The following CCDC85A variants were observed in gnomAD, a reference collection of about 807,000 sequenced individuals.
The protein encoded by CCDC85A is coiled-coil domain containing 85A, also known as coiled-coil domain-containing protein 85A.
In CCDC85A, 38 loss-of-function variants were observed where a neutral mutation model predicts 50.2. The ratio of observed to expected loss-of-function variants is 0.76; its 90% CI spans 0.58 to 0.99. The LOEUF is 0.99. CCDC85A is among the 50% of genes least tolerant of loss of function. CCDC85A has a pLI of 0.00. For missense variants in CCDC85A, 820 were observed against 742.0 expected, an observed-to-expected ratio of 1.11 and a Z score of -1.22; for synonymous variants, 366 against 301.4, an observed-to-expected ratio of 1.21 and a Z score of -2.22.
chr2:56,323,476 C>G (rs917259448), intron 2 of CCDC85A, among the ~76,000 whole-genome samples: 1 of 151,776 alleles, frequency 6.6e-6, no homozygotes, highest in African/African-American at 2.4e-5. Context: ...TATTTAGGTT[C>G]GAGTGAACAG....
chr2:56,361,087 A>G (rs1675499418), intron 3 of CCDC85A, among the ~76,000 whole-genome samples: 1 of 152,024 alleles, frequency 6.6e-6, no homozygotes, highest in Non-Finnish European at 1.5e-5. Flanking sequence ...CCCCATCTCT[A>G]CTAAAAATGC....
intron 2 of CCDC85A, among the ~76,000 whole-genome samples, chr2:56,289,584 A>G (rs1671611362): frequency 6.6e-6 from 1 of 152,138 alleles, no homozygotes; most frequent in South Asian, 2.1e-4. Context: ...AGGGTACAAC[A>G]GTGGTAGAGG....
At chr2:56,296,076 T>G (rs1452033062) in intron 2 of CCDC85A, among the ~76,000 whole-genome samples, 1 of 152,228 alleles carries the variant, frequency 6.6e-6, no homozygotes, top group African/African-American at 2.4e-5. Context: ...GCAGCAATTT[T>G]CCTTTCCTCT....
chr2:56,345,740 C>T (rs1344961754), intron 3 of CCDC85A, among the ~76,000 whole-genome samples: 1 of 152,170 alleles, frequency 6.6e-6, no homozygotes, highest in East Asian at 1.9e-4. Context: ...AGGCATTTAC[C>T]TGTACAACTT....
chr2:56,193,549 A>G, intron 2 of CCDC85A, 109 bp downstream of exon 2: 1 of 1,296,246 alleles, frequency 7.7e-7, no homozygotes, highest in Non-Finnish European at 1.0e-6. Context: ...CTAGCTAGGG[A>G]GTGGGTTTGG....
intron 2 of CCDC85A, among the ~76,000 whole-genome samples, chr2:56,223,501 A>G (rs879529905): frequency 6.6e-6 from 1 of 152,188 alleles, no homozygotes; most frequent in Non-Finnish European, 1.5e-5. Context: ...ATGATCCTCA[A>G]TAATTCTATC....
chr2:56,355,232 C>T lies in CCDC85A; in HGVS notation c.1317+12277C>T, dbSNP rs566072582. 8.3e-4 allele frequency among the ~76,000 whole-genome samples: 126 copies of T among 152,292 alleles called. 1 individual carries two copies. The highest frequency in any genetic ancestry group is 1.3e-3 in the Non-Finnish European group (89 of 68,030). ...TTCCCCCACCCTTACTTGGGTTCTA[C>T]CCTATTCCAGGCTCCAAACGCATAG... On this transcript the variant is annotated intron_variant, in intron 3 of 5. Transcript: ENST00000407595.
At chr2:56,202,096 C>T (rs912455980) in intron 2 of CCDC85A, among the ~76,000 whole-genome samples, 4 of 152,176 alleles carry the variant, frequency 2.6e-5, no homozygotes, top group African/African-American at 9.7e-5. Flanking sequence ...GAATAAGGAA[C>T]CAGTTTTTCT....
intron 2 of CCDC85A, among the ~76,000 whole-genome samples, chr2:56,287,661 C>A (rs1317143680): frequency 1.3e-5 from 2 of 152,218 alleles, no homozygotes; most frequent in Admixed American, 6.5e-5. Context: ...CAGATCTACA[C>A]CAAACTCACC....
chr2:56,275,405 A>G (rs987515860), intron 2 of CCDC85A, among the ~76,000 whole-genome samples: 5 of 152,136 alleles, frequency 3.3e-5, no homozygotes, highest in South Asian at 2.1e-4. Flanking sequence ...TTGTTTCACT[A>G]TGAAATAGAT....
At chr2:56,332,930 T>C (rs1369305593) in intron 2 of CCDC85A, among the ~76,000 whole-genome samples, 1 of 152,210 alleles carries the variant, frequency 6.6e-6, no homozygotes, top group African/African-American at 2.4e-5. Flanking sequence ...TAGGTCTGTA[T>C]AATGAAATAA....
chr2:56,375,216 T>A (rs1676274847), intron 4 of CCDC85A, among the ~76,000 whole-genome samples: 1 of 152,218 alleles, frequency 6.6e-6, no homozygotes, highest in African/African-American at 2.4e-5. Context: ...TCTCACCAAT[T>A]AAGTTGAAGA....
chr2:56,309,972 C>T (rs1173659461), intron 2 of CCDC85A, among the ~76,000 whole-genome samples: 3 of 152,080 alleles, frequency 2.0e-5, no homozygotes, highest in African/African-American at 4.8e-5. Context: ...GTTCTTTGCC[C>T]TTTATATATT....
At chr2:56,363,864 C>T (rs78633757) in intron 3 of CCDC85A, among the ~76,000 whole-genome samples, 1,592 of 152,262 alleles carry the variant, frequency 0.01, 37 homozygotes, top group African/African-American at 0.036. Context: ...CATGCCCTTA[C>T]GCTCCGTGTC....
intron 2 of CCDC85A, among the ~76,000 whole-genome samples, chr2:56,229,550 A>G (rs1208216001): frequency 6.6e-6 from 1 of 152,164 alleles, no homozygotes; most frequent in East Asian, 1.9e-4. Flanking sequence ...AGAGAGAAAA[A>G]GATAACTGAA....
intron 2 of CCDC85A, among the ~76,000 whole-genome samples, chr2:56,277,008 C>T (rs958633208): frequency 1.1e-4 from 16 of 152,170 alleles, no homozygotes; most frequent in African/African-American, 3.6e-4. Flanking sequence ...TCCCAATCCT[C>T]CAAGAACAGG....
chr2:56,217,471 A>T (rs193181840), intron 2 of CCDC85A, among the ~76,000 whole-genome samples: 242 of 151,756 alleles, frequency 1.6e-3, no homozygotes, highest in African/African-American at 5.7e-3. Flanking sequence ...GAAGGAGGGG[A>T]GGAATTCCTT....
chr2:56,317,012 T>C (rs1156767875), intron 2 of CCDC85A, among the ~76,000 whole-genome samples: 1 of 152,144 alleles, frequency 6.6e-6, no homozygotes, highest in African/African-American at 2.4e-5. Flanking sequence ...GTGGACTTTC[T>C]ATTCAGACGG....
At chr2:56,216,383 A>G (rs1677394492) in intron 2 of CCDC85A, among the ~76,000 whole-genome samples, 1 of 151,810 alleles carries the variant, frequency 6.6e-6, no homozygotes, top group Non-Finnish European at 1.5e-5. Flanking sequence ...CAACGACTAT[A>G]TATATTAAGT....
Sources: allele counts gnomAD v4.1 joint callset (sites outside exome capture counted in the v4.1 genomes callset), GRCh38; gene constraint gnomAD v4.1.1; transcripts MANE v1.5; gene names NCBI Gene and HGNC (gene_info 2026-07-23, HGNC 2026-07-21).